Variants in SMARCA4 observed in about 807,000 individuals in gnomAD.
SMARCA4 encodes SWI/SNF-related matrix-associated actin-dependent regulator of chromatin subfamily A member 4.
SMARCA4 carries 31 observed loss-of-function variants against 193.9 expected under a neutral mutation model. The ratio of observed to expected loss-of-function variants is 0.16; its 90% CI spans 0.12 to 0.22. The LOEUF is 0.22. Ranked by LOEUF, SMARCA4 falls within the 10% of genes least tolerant of loss-of-function variation. The pLI is 1.00. For synonymous variants in SMARCA4, 942 were observed against 933.1 expected, an observed-to-expected ratio of 1.01 and a Z score of -0.17; for missense variants, 1,148 against 2,296.0, an observed-to-expected ratio of 0.50 and a Z score of 10.22.
At chr19:11,021,587 G>A (rs956167264) in intron 18 of SMARCA4, 138 bp from the exon 19 acceptor site, 9 of 1,104,222 alleles carry the variant, frequency 8.2e-6, no homozygotes, top group African/African-American at 1.5e-5. Flanking sequence ...GGGGCAGGAC[G>A]TCAGGCCTGT....
chr19:11,007,563 A>G (rs950541706), intron 13 of SMARCA4, among the ~76,000 whole-genome samples: 1 of 151,944 alleles, frequency 6.6e-6, no homozygotes, highest in Admixed American at 6.6e-5. Context: ...ATGTCACGAG[A>G]CTACATATCT....
Position 11,019,223 on chromosome 19 carries a change from G to A in SMARCA4, c.2505+200G>A. ...CAGGGACAGGGCAGATTAGCTCACT[G>A]GGGAGGAGACAGGAGTGAGCATGGT... On this transcript the variant is annotated intron_variant, in intron 17 of 34. Transcript: ENST00000344626. The surrounding 1 kb of genome is among the most constrained non-coding windows in gnomAD (Gnocchi z 6.1). 5 of 665,954 alleles carry A rather than the reference G, an allele frequency of 7.5e-6. No individual in the cohort carries two copies. In the Middle Eastern group the frequency reaches 1.6e-3, roughly 208 times the overall value. The allele number at this position is 665,954 out of a possible 1,614,324, so 41.3% of individuals were successfully genotyped here. A position where few individuals can be genotyped will look rare whatever the true frequency, so the allele number is the denominator to read the frequency against.
At chr19:11,021,560 C>T in intron 18 of SMARCA4, 165 bp from the exon 19 acceptor site, 1 of 841,820 alleles carries the variant, frequency 1.2e-6, no homozygotes, top group Non-Finnish European at 1.9e-6. Flanking sequence ...GTGGCTCCAA[C>T]TCGGTGAGTC....
intron 11 of SMARCA4, among the ~76,000 whole-genome samples, chr19:10,998,018 C>T (rs1319283203): frequency 2.6e-5 from 4 of 152,046 alleles, no homozygotes; most frequent in Non-Finnish European, 4.4e-5. Flanking sequence ...AGTGGAGGTC[C>T]CTTTAGTCAG....
At chr19:11,000,094 GC>G (rs2087483418) in intron 11 of SMARCA4, among the ~76,000 whole-genome samples, 1 of 152,088 alleles carries the variant, frequency 6.6e-6, no homozygotes, top group South Asian at 2.1e-4. Context: ...AGGTGTGGGG[GC>G]ACACGCCTGT....
At chr19:11,028,833 C>CA (rs2090444132) in intron 24 of SMARCA4, among the ~76,000 whole-genome samples, 1 of 151,210 alleles carries the variant, frequency 6.6e-6, no homozygotes, top group South Asian at 2.1e-4. Context: ...GAAACACGAG[C>CA]ATGAGCTGCT....
chr19:11,038,398 C>A (rs1000510055), intron 29 of SMARCA4, among the ~76,000 whole-genome samples: 2 of 152,162 alleles, frequency 1.3e-5, no homozygotes, highest in Admixed American at 6.5e-5. Context: ...GTCTGGGGGG[C>A]ACCCGCCGCT....
chr19:10,988,751 T>C (rs778399825), intron 6 of SMARCA4, among the ~76,000 whole-genome samples: 2 of 152,222 alleles, frequency 1.3e-5, no homozygotes, highest in Admixed American at 6.5e-5. Flanking sequence ...TGTTTTCTAA[T>C]GAGACTGAGA....
chr19:10,986,882 C>T lies in SMARCA4; in HGVS notation c.761-23C>T, dbSNP rs2145794167. The stretch of plus-strand genomic sequence containing the variant: ...ATAAACCTGGGACGCACTGTTTTCT[C>T]TTTTGTTTCTCCCTACATGTAGGTA... On this transcript the variant is annotated intron_variant, in intron 4 of 34. Coordinates refer to ENST00000344626, the MANE Select transcript of SMARCA4 (RefSeq NM_003072.5). This position sits in a 1 kb window ranked among gnomAD's most constrained non-coding sequence, Gnocchi z 6.7. The T allele has an allele frequency of 6.3e-7, 1 of 1,591,264 alleles. No homozygotes were observed. The highest frequency in any genetic ancestry group is 1.1e-5 in the South Asian group (1 of 90,660).
At chr19:11,056,692 T>C (rs998855085) in intron 30 of SMARCA4, among the ~76,000 whole-genome samples, 1 of 152,138 alleles carries the variant, frequency 6.6e-6, no homozygotes, top group Admixed American at 6.5e-5. Flanking sequence ...CTGGCTCCCG[T>C]GTGTAACGTC....
chr19:11,053,030 T>C (rs903891987), intron 30 of SMARCA4, among the ~76,000 whole-genome samples: 3 of 152,084 alleles, frequency 2.0e-5, no homozygotes, highest in Non-Finnish European at 2.9e-5. Context: ...GGTTCTTGCC[T>C]CCAGATATAG....
chr19:11,044,750 T>C (rs181466848), intron 30 of SMARCA4, among the ~76,000 whole-genome samples: 154 of 152,302 alleles, frequency 1.0e-3, no homozygotes, highest in African/African-American at 3.7e-3. Context: ...GAAGATAATA[T>C]TTTCTGAGGC....
intron 34 of SMARCA4, among the ~76,000 whole-genome samples, chr19:11,061,202 A>ATATAT (rs1467232116): frequency 1.1e-3 from 67 of 61,378 alleles, no homozygotes; most frequent in Non-Finnish European, 1.5e-3. Flanking sequence ...AAAAAAAAAA[A>ATATAT]AAATATATAT....
At chr19:11,038,138 C>T (rs1161587333) in intron 29 of SMARCA4, among the ~76,000 whole-genome samples, 3 of 152,124 alleles carry the variant, frequency 2.0e-5, no homozygotes, top group East Asian at 1.9e-4. Context: ...TCTGAACCCA[C>T]GGTGTGGGCA....
Position 10,985,767 on chromosome 19 carries a change from G to C in SMARCA4, c.355+362G>C, listed in dbSNP as rs1023691778. ...AGCCCAGCAGGTGCCTTTTCTGTAC[G>C]AGGACAATTGAGAAGTGATATGGTG... On this transcript the variant is annotated intron_variant, in intron 3 of 34. Transcript: ENST00000344626. The surrounding 1 kb of genome is among the most constrained non-coding windows in gnomAD (Gnocchi z 4.5). Among the ~76,000 whole-genome samples the C allele has an allele frequency of 1.3e-5, 2 of 152,168 alleles. No individual in the cohort carries two copies. Among genetic ancestry groups the C allele is most frequent in the Non-Finnish European group, 2.9e-5 (2 of 68,040 alleles).
chr19:11,030,201 A>G lies in SMARCA4; in HGVS notation c.3383-529A>G, dbSNP rs757669701. Among the ~76,000 whole-genome samples, 4 of 152,190 alleles carry G rather than the reference A, an allele frequency of 2.6e-5. No homozygotes were observed. The highest frequency in any genetic ancestry group is 4.4e-5 in the Non-Finnish European group (3 of 68,042). On this transcript the variant is annotated intron_variant, in intron 24 of 34. Coordinates refer to ENST00000344626, the MANE Select transcript of SMARCA4 (RefSeq NM_003072.5). This position sits in a 1 kb window ranked among gnomAD's most constrained non-coding sequence, Gnocchi z 5.5. ...CACGAGCCCCCTTTATAAGGTCTCC[A>G]TGCTTTTACCGTAGAAGATTCTCTT...
chr19:11,054,709 A>T (rs549795654), intron 30 of SMARCA4, among the ~76,000 whole-genome samples: 1 of 152,124 alleles, frequency 6.6e-6, no homozygotes, highest in Admixed American at 6.6e-5. Flanking sequence ...GAATCGCTTG[A>T]ACCCTGGAGG....
chr19:10,963,605 C>T (rs953437010), intron 1 of SMARCA4, among the ~76,000 whole-genome samples: 3 of 152,092 alleles, frequency 2.0e-5, no homozygotes, highest in African/African-American at 2.4e-5. Context: ...CTCTCTAAAT[C>T]GTAGCTTAAC....
intron 1 of SMARCA4, among the ~76,000 whole-genome samples, chr19:10,982,958 C>T (rs1451942495): frequency 2.0e-5 from 3 of 152,144 alleles, no homozygotes; most frequent in Non-Finnish European, 4.4e-5. Flanking sequence ...ACATGCTTAA[C>T]CAGAGAGGGG....
Sources: gnomAD v4.1 joint callset for allele counts (sites outside exome capture counted in the v4.1 genomes callset) on GRCh38, gnomAD v4.1.1 for gene constraint, Gnocchi (gnomAD v3.1) non-coding constraint, MANE v1.5 for transcripts, NCBI Gene and HGNC (gene_info 2026-07-23, HGNC 2026-07-21) for gene names.